Variants in RMND1 observed in about 807,000 individuals in gnomAD.
The protein encoded by RMND1 is required for meiotic nuclear division protein 1 homolog.
RMND1 carries 41 observed loss-of-function variants against 54.0 expected under a neutral mutation model. That is an observed-to-expected ratio of 0.76 (90% CI 0.59 to 0.98). The LOEUF (loss-of-function observed/expected upper bound fraction) is 0.98, where lower values mean the gene tolerates loss of function less well. RMND1 is among the 50% of genes least tolerant of loss of function. RMND1 has a pLI of 0.00. For synonymous variants in RMND1, 183 were observed against 181.7 expected (o/e 1.01, Z -0.06); for missense variants, 457 against 532.0 (o/e 0.86, Z 1.39).
intron 6 of RMND1, among the ~76,000 whole-genome samples, chr6:151,426,955 G>C (rs566585065): frequency 6.6e-6 from 1 of 152,104 alleles, no homozygotes; most frequent in South Asian, 2.1e-4. Flanking sequence ...TTTTTTAGTA[G>C]AGATGGGGTT....
intron 1 of RMND1, 28 bp downstream of exon 1, chr6:151,451,988 G>A (rs1335771732): frequency 6.5e-6 from 1 of 154,496 alleles, no homozygotes; most frequent in Non-Finnish European, 1.4e-5. Context: ...GACCACTCGA[G>A]CTGCTAAAGA....
At chr6:151,407,310 T>A (rs1324694371) in intron 10 of RMND1, among the ~76,000 whole-genome samples, 1 of 152,148 alleles carries the variant, frequency 6.6e-6, no homozygotes, top group Non-Finnish European at 1.5e-5. Flanking sequence ...CCCCTCCCTG[T>A]TTTCCTTTCC....
intron 4 of RMND1, among the ~76,000 whole-genome samples, chr6:151,431,770 G>A (rs1233789134): frequency 6.6e-6 from 1 of 152,098 alleles, no homozygotes; most frequent in Non-Finnish European, 1.5e-5. Flanking sequence ...TAATATTTTA[G>A]ATATGCTGGG....
chr6:151,420,150 A>T (rs76685041), intron 9 of RMND1, among the ~76,000 whole-genome samples: 1 of 152,326 alleles, frequency 6.6e-6, no homozygotes, highest in African/African-American at 2.4e-5. Context: ...TTCAGTTTGG[A>T]TATTATAATT....
chr6:151,423,499 C>G, intron 7 of RMND1, 26 bp downstream of exon 7: 1 of 1,410,708 alleles, frequency 7.1e-7, no homozygotes, highest in Non-Finnish European at 1.0e-6. Context: ...CTGTAGTACC[C>G]TATCCCATAA....
chr6:151,422,426 T>A lies in RMND1; in HGVS notation c.1002+115A>T, dbSNP rs1780177619. ...TAGATTCTGGTATCCAGTGGGGTCT[T>A]GGAACAAATCTCCCATGGATACTGA... On this transcript the variant is annotated intron_variant, in intron 8 of 11. Coordinates refer to ENST00000444024, the MANE Select transcript of RMND1 (RefSeq NM_017909.4). 2.9e-5 allele frequency: 15 copies of A among 514,692 alleles called. No individual in the cohort carries two copies. In the South Asian group the frequency reaches 5.9e-4, roughly 20 times the overall value. The allele number at this position is 514,692 out of a possible 1,614,324, so 31.9% of individuals were successfully genotyped here. A position where few individuals can be genotyped will look rare whatever the true frequency, so the allele number is the denominator to read the frequency against.
intron 10 of RMND1, among the ~76,000 whole-genome samples, chr6:151,414,355 CAG>C (rs1001925554): frequency 9.2e-5 from 14 of 152,236 alleles, no homozygotes; most frequent in Admixed American, 4.6e-4. Context: ...GATTGAAAAA[CAG>C]AAACAATAGG....
chr6:151,450,407 GGTC>G, intron 1 of RMND1, among the ~76,000 whole-genome samples: 1 of 144,414 alleles, frequency 6.9e-6, no homozygotes. Context: ...GGGAGGTGGG[GGTC>G]AGCCCCCCGC....
At chr6:151,420,068 A>G (rs1780114499) in intron 9 of RMND1, among the ~76,000 whole-genome samples, 1 of 152,200 alleles carries the variant, frequency 6.6e-6, no homozygotes, top group Admixed American at 6.5e-5. Flanking sequence ...TTGTACAGGT[A>G]AGGAAACAGG....
rs1423967251 is a variant in RMND1 at position 151,427,559 on chromosome 6, T to C, written c.753A>G (p.Leu251=). ...CATAGGGCTGAATTTCATGTTTTTCTAGAACTTTCATCACATGCTTCATCT... is the reference window on the plus strand; with the variant it reads ...CATAGGGCTGAATTTCATGTTTTTCCAGAACTTTCATCACATGCTTCATCT... The part of the protein sequence containing the change: ...DKTMKHVMKV[L]EKHEIQPYEI... Residue 251 remains leucine, a synonymous_variant, in exon 6 of 12, where the codon CTA becomes CTG. Coordinates refer to ENST00000444024, the MANE Select transcript of RMND1 (RefSeq NM_017909.4). 6.2e-7 allele frequency: 1 copy of C among 1,610,542 alleles called. No homozygotes were observed. The highest frequency in any genetic ancestry group is 1.3e-5 in the African/African-American group (1 of 74,846).
At chr6:151,414,975 C>G (rs1006789999) in intron 10 of RMND1, among the ~76,000 whole-genome samples, 3 of 151,652 alleles carry the variant, frequency 2.0e-5, no homozygotes, top group African/African-American at 7.3e-5. Flanking sequence ...AATTAATACA[C>G]TCTCAGATGA....
chr6:151,437,635 A>G (rs1293499751), intron 2 of RMND1, among the ~76,000 whole-genome samples: 1 of 152,226 alleles, frequency 6.6e-6, no homozygotes, highest in Non-Finnish European at 1.5e-5. Context: ...CACTAAATCA[A>G]CATTTATTCT....
chr6:151,407,410 T>C (rs1419934497), intron 10 of RMND1, among the ~76,000 whole-genome samples: 1 of 152,208 alleles, frequency 6.6e-6, no homozygotes, highest in African/African-American at 2.4e-5. Context: ...TTCAGACTAC[T>C]GATTCAGCCT....
intron 10 of RMND1, chr6:151,417,031 AACTT>A (rs1227239682): frequency 6.1e-6 from 2 of 327,418 alleles, no homozygotes; most frequent in African/African-American, 4.2e-5. Flanking sequence ...ACTTGACAAG[AACTT>A]ACTGATGGAC....
chr6:151,445,343 A>G lies in RMND1; in HGVS notation c.469T>C (p.Ser157Pro). The G allele has an allele frequency of 6.2e-7, 1 of 1,613,210 alleles. No individual in the cohort carries two copies. The highest frequency in any genetic ancestry group is 8.5e-7 in the Non-Finnish European group (1 of 1,179,592). The change falls in exon 2 of 12, where the codon TCC becomes CCC. Residue 157 changes from serine (S) to proline (P), a missense_variant. Coordinates refer to ENST00000444024, the MANE Select transcript of RMND1 (RefSeq NM_017909.4). ...GACAGAACTGGAAGGTTGGTCCTGG[A>G]TGGCTGTCTGGTCCTGGATGCTTTT... Reference protein sequence around the residue: ...PLKASRTRQPSRTNLPVLSVN... With the variant: ...PLKASRTRQPPRTNLPVLSVN...
chr6:151,429,310 T>C (rs1780390320), intron 5 of RMND1, among the ~76,000 whole-genome samples: 1 of 151,920 alleles, frequency 6.6e-6, no homozygotes, highest in South Asian at 2.1e-4. Context: ...TTAGTAGACA[T>C]GGGGTTCACC....
intron 11 of RMND1, 97 bp from the exon 12 acceptor site, chr6:151,405,364 A>G: frequency 8.4e-7 from 1 of 1,190,898 alleles, no homozygotes; most frequent in Non-Finnish European, 1.2e-6. Context: ...ATGCTCCTGA[A>G]GTAAGGTAAA....
chr6:151,405,654 T>C (rs1046265335), intron 11 of RMND1, 66 bp downstream of exon 11: 263 of 788,538 alleles, frequency 3.3e-4, no homozygotes, highest in Non-Finnish European at 3.8e-4. Context: ...AACTATCTTA[T>C]TAGCATAGCC....
intron 6 of RMND1, among the ~76,000 whole-genome samples, chr6:151,423,996 C>G (rs562712937): frequency 1.0e-3 from 152 of 151,944 alleles, no homozygotes; most frequent in African/African-American, 3.6e-3. Flanking sequence ...TACAGGCATG[C>G]GTAACCACAC....
Sources: gnomAD v4.1 joint callset for allele counts (sites outside exome capture counted in the v4.1 genomes callset) on GRCh38, gnomAD v4.1.1 for gene constraint, MANE v1.5 for transcripts, NCBI Gene and HGNC (gene_info 2026-07-23, HGNC 2026-07-21) for gene names.